Variants in TRIM55 observed in about 807,000 individuals in gnomAD.
The protein encoded by TRIM55 is tripartite motif-containing protein 55.
Under a neutral mutation model 60.9 loss-of-function variants are expected in TRIM55, and 50 were observed. That is an observed-to-expected ratio of 0.82 (90% CI 0.65 to 1.04). The LOEUF is 1.04. Among genes scored for constraint, TRIM55 ranks in the 50% least tolerant of loss-of-function variants. TRIM55 has a pLI of 0.00. For missense variants in TRIM55, 681 were observed against 666.9 expected, an observed-to-expected ratio of 1.02 and a Z score of -0.23; for synonymous variants, 237 against 238.1, an observed-to-expected ratio of 1.00 and a Z score of 0.04.
At chr8:66,145,741 G>A (rs925260893) in intron 4 of TRIM55, among the ~76,000 whole-genome samples, 21 of 152,182 alleles carry the variant, frequency 1.4e-4, no homozygotes, top group Middle Eastern at 6.8e-3. Flanking sequence ...GCACACTGCA[G>A]CCTCCACCTC....
Position 66,136,166 on chromosome 8 carries a change from TC to T in TRIM55, c.508-924del, listed in dbSNP as rs199992943. ...TATTCCCCCTTCTCTTCTGCCCACC[TC>T]CCCCAAAGCATAGCATAATAGAACT... is the stretch of plus-strand genomic sequence containing the variant. On this transcript the variant is annotated intron_variant, in intron 3 of 9. Coordinates refer to ENST00000315962, the MANE Select transcript of TRIM55 (RefSeq NM_184085.2). Among the ~76,000 whole-genome samples the T allele has an allele frequency of 4.1e-3, 631 of 152,194 alleles. 17 individuals carry two copies. The East Asian group carries it at 0.048, about 11-fold the overall frequency.
chr8:66,152,617 CT>C lies in TRIM55; in HGVS notation c.1227del (p.Val410Ter), dbSNP rs1323571428. 6.2e-7 allele frequency: 1 copy of C among 1,613,912 alleles called. No homozygotes were observed. The highest frequency in any genetic ancestry group is 2.2e-5 in the East Asian group (1 of 44,872). On this transcript the variant is annotated frameshift_variant, in exon 8 of 10. Coordinates refer to ENST00000315962, the MANE Select transcript of TRIM55 (RefSeq NM_184085.2). LOFTEE classifies it high-confidence loss of function. ...GCCCTGCCACCTGCTGCGGATGCCC[CT>C]GTGACACAGGTAACCCCTCCTGAGT... ...PPALPPAADAPVTQGEVVPTG... is the reference protein window; with the variant it reads ...PPALPPAADAXVTQGEVVPTG...
At chr8:66,163,066 T>G (rs1341234978) in intron 9 of TRIM55, among the ~76,000 whole-genome samples, 1 of 152,204 alleles carries the variant, frequency 6.6e-6, no homozygotes, top group Non-Finnish European at 1.5e-5. Context: ...AGTCTATTTC[T>G]GCACTTGTAT....
At chr8:66,137,300 T>A (rs1360499012) in intron 4 of TRIM55, 110 bp downstream of exon 4, 13 of 745,864 alleles carry the variant, frequency 1.7e-5, no homozygotes, top group Non-Finnish European at 2.9e-5. Flanking sequence ...CATTCTTTGC[T>A]TCTAGAATGG....
At chr8:66,150,912 T>A (rs1431401850) in intron 7 of TRIM55, among the ~76,000 whole-genome samples, 2 of 152,200 alleles carry the variant, frequency 1.3e-5, no homozygotes, top group East Asian at 3.8e-4. Flanking sequence ...GTGATCCACC[T>A]GCCTTGGCCT....
intron 4 of TRIM55, among the ~76,000 whole-genome samples, chr8:66,143,841 T>C (rs1809961511): frequency 6.6e-6 from 1 of 152,198 alleles, no homozygotes; most frequent in Non-Finnish European, 1.5e-5. Context: ...GCATTTTTTA[T>C]TCTAATAGAG....
intron 4 of TRIM55, among the ~76,000 whole-genome samples, chr8:66,138,818 A>G (rs1030820016): frequency 1.3e-5 from 2 of 152,250 alleles, no homozygotes; most frequent in Admixed American, 1.3e-4. Flanking sequence ...AATAAGCAGA[A>G]GCAAAATGCT....
At chr8:66,127,502 T>C in intron 1 of TRIM55, 66 bp downstream of exon 1, 2 of 1,563,314 alleles carry the variant, frequency 1.3e-6, no homozygotes, top group Non-Finnish European at 1.8e-6. Context: ...TGGAATCAAG[T>C]GCTTAACATT....
At chr8:66,114,357 C>T in the TRIM55 span, among the ~76,000 whole-genome samples, 5 of 152,138 alleles carry the variant, frequency 3.3e-5, no homozygotes, top group Non-Finnish European at 7.4e-5. Context: ...AGGGCGAGCT[C>T]CAGCTTACCA....
intron 9 of TRIM55, among the ~76,000 whole-genome samples, chr8:66,163,396 A>G (rs1306009847): frequency 6.6e-6 from 1 of 152,224 alleles, no homozygotes; most frequent in Non-Finnish European, 1.5e-5. Flanking sequence ...GCTTTCTGAT[A>G]CAAGCTTTCA....
the TRIM55 span, among the ~76,000 whole-genome samples, chr8:66,119,570 C>T: frequency 3.3e-5 from 5 of 152,192 alleles, no homozygotes; most frequent in East Asian, 1.9e-4. Flanking sequence ...TAATGTCTCC[C>T]GTTCTCAGAA....
intron 9 of TRIM55, among the ~76,000 whole-genome samples, chr8:66,157,294 A>C (rs7841890): frequency 6.6e-6 from 1 of 152,120 alleles, no homozygotes; most frequent in Non-Finnish European, 1.5e-5. Flanking sequence ...TTGGTGTTTG[A>C]GGAAGGGCCT....
At chr8:66,146,059 G>A (rs1166845176) in intron 4 of TRIM55, among the ~76,000 whole-genome samples, 1 of 152,110 alleles carries the variant, frequency 6.6e-6, no homozygotes, top group Non-Finnish European at 1.5e-5. Flanking sequence ...ATTCCATGCA[G>A]CTTCAAAATT....
At chr8:66,143,366 A>T (rs1392659871) in intron 4 of TRIM55, among the ~76,000 whole-genome samples, 2 of 152,226 alleles carry the variant, frequency 1.3e-5, no homozygotes, top group African/African-American at 4.8e-5. Context: ...CTTGCCAGGA[A>T]CAGAGGGAAG....
the TRIM55 span, among the ~76,000 whole-genome samples, chr8:66,120,297 T>A: frequency 6.6e-6 from 1 of 152,208 alleles, no homozygotes; most frequent in South Asian, 2.1e-4. Flanking sequence ...CTGGTCTTTG[T>A]CCCAAGTCCC....
chr8:66,165,045 T>C (rs1256767864), intron 9 of TRIM55, among the ~76,000 whole-genome samples: 3 of 152,098 alleles, frequency 2.0e-5, no homozygotes, highest in Non-Finnish European at 4.4e-5. Context: ...GCAAAGCCTC[T>C]TTTCCCCCTT....
rs577129087 is a variant in TRIM55 at position 66,174,358 on chromosome 8, TATA to T, written c.1525-104_1525-102del. 1.3e-4 allele frequency: 101 copies of T among 781,548 alleles called. 2 individuals are homozygous for T. The South Asian group carries it at 2.1e-3, about 16-fold the overall frequency. The allele number at this position is 781,548 out of a possible 1,614,324, so 48.4% of individuals were successfully genotyped here. The stretch of plus-strand genomic sequence containing the variant: ...ATGTGCCATATAATAATATTGTTAT[TATA>T]ATAATAATTGTTATTATTATTATAC... On this transcript the variant is annotated intron_variant, in intron 9 of 9. Coordinates refer to ENST00000315962, the MANE Select transcript of TRIM55 (RefSeq NM_184085.2).
intron 4 of TRIM55, among the ~76,000 whole-genome samples, chr8:66,143,288 C>T (rs1809925115): frequency 1.3e-5 from 2 of 152,154 alleles, no homozygotes; most frequent in Non-Finnish European, 2.9e-5. Flanking sequence ...GGCACGTGTG[C>T]AAGCTAGTGC....
intron 9 of TRIM55, among the ~76,000 whole-genome samples, chr8:66,161,784 A>G (rs1302626958): frequency 7.6e-6 from 1 of 131,092 alleles, no homozygotes; most frequent in Non-Finnish European, 1.6e-5. Flanking sequence ...AAGTATTGTG[A>G]AAGGGGTTTG....
Sources: gnomAD v4.1 joint callset for allele counts (sites outside exome capture counted in the v4.1 genomes callset) on GRCh38, gnomAD v4.1.1 for gene constraint, MANE v1.5 for transcripts, NCBI Gene and HGNC (gene_info 2026-07-23, HGNC 2026-07-21) for gene names.